The following KIAA1671 variants were observed in gnomAD, a reference collection of about 807,000 sequenced individuals.
KIAA1671 encodes the protein uncharacterized protein KIAA1671.
In KIAA1671, 52 loss-of-function variants were observed where a neutral mutation model predicts 131.2. The ratio of observed to expected loss-of-function variants is 0.40; its 90% CI spans 0.32 to 0.50. KIAA1671 has a LOEUF of 0.50. Ranked by LOEUF, KIAA1671 falls within the 20% of genes least tolerant of loss-of-function variation. The pLI is 0.73. For synonymous variants in KIAA1671, 1,003 were observed against 961.6 expected (o/e 1.04, Z -0.80); for missense variants, 2,360 against 2,364.2 (o/e 1.00, Z 0.04).
intron 8 of KIAA1671, 87 bp from the exon 9 acceptor site, chr22:25,177,261 G>A (rs1342791043): frequency 1.2e-5 from 15 of 1,295,210 alleles, no homozygotes; most frequent in Admixed American, 5.4e-5. Flanking sequence ...ATCTGTCAAC[G>A]AAGCTGTGTA....
intron 1 of KIAA1671, among the ~76,000 whole-genome samples, chr22:24,961,369 T>G (rs188067005): frequency 6.6e-6 from 1 of 152,360 alleles, no homozygotes; most frequent in African/African-American, 2.4e-5. Flanking sequence ...CACGAGTCTT[T>G]CTGGACATAC....
intron 10 of KIAA1671, among the ~76,000 whole-genome samples, chr22:25,183,343 G>A (rs1288250446): frequency 1.3e-5 from 2 of 152,090 alleles, no homozygotes; most frequent in Non-Finnish European, 2.9e-5. Context: ...ATGCGTGCTT[G>A]TGTCTGTAAT....
At chr22:25,142,030 G>A (rs997989588) in intron 6 of KIAA1671, among the ~76,000 whole-genome samples, 7 of 152,154 alleles carry the variant, frequency 4.6e-5, no homozygotes, top group Non-Finnish European at 7.4e-5. Flanking sequence ...TCCCTGGGAA[G>A]CACCTTATAA....
rs1232174682 is a variant in KIAA1671, at chr22:25,038,876, C to T, written c.1746C>T (p.Pro582=). 49 of 1,551,734 alleles carry T rather than the reference C, an allele frequency of 3.2e-5. No homozygotes were observed. The highest frequency in any genetic ancestry group is 2.4e-4 in the Admixed American group (12 of 51,006). ...TEQKVSSNQD[P]DSCRGGSSVE... ...AGAAGGTTAGCTCTAACCAAGACCC[C>T]GACAGCTGTCGCGGTGGAAGCTCAG... Residue 582 remains proline (P), a synonymous_variant, in exon 5 of 13, where the codon CCC becomes CCT. Coordinates refer to ENST00000358431, the MANE Select transcript of KIAA1671 (RefSeq NM_001145206.2).
At chr22:25,071,404 GC>G (rs980517549) in intron 6 of KIAA1671, among the ~76,000 whole-genome samples, 1 of 152,010 alleles carries the variant, frequency 6.6e-6, no homozygotes, top group Non-Finnish European at 1.5e-5. Flanking sequence ...TCCCTCCTGA[GC>G]CCCCCAGAGC....
intron 6 of KIAA1671, among the ~76,000 whole-genome samples, chr22:25,154,397 A>G (rs538677233): frequency 1.3e-5 from 2 of 152,336 alleles, no homozygotes; most frequent in South Asian, 4.1e-4. Context: ...ACAGACAGGA[A>G]CCACTGCAGG....
chr22:24,956,054 A>G (rs992431019), intron 1 of KIAA1671, among the ~76,000 whole-genome samples: 2 of 151,956 alleles, frequency 1.3e-5, no homozygotes, highest in African/African-American at 2.4e-5. Flanking sequence ...AAAAGAAAAA[A>G]GAAAAATCCT....
chr22:25,001,788 G>T (rs1041998566), intron 1 of KIAA1671, among the ~76,000 whole-genome samples: 2 of 152,168 alleles, frequency 1.3e-5, no homozygotes, highest in Non-Finnish European at 2.9e-5. Context: ...TTGGTTTTCA[G>T]ATGATACCTG....
At chr22:25,049,089 A>C in intron 5 of KIAA1671, 141 bp from the exon 6 acceptor site, 1 of 1,045,218 alleles carries the variant, frequency 9.6e-7, no homozygotes, top group Non-Finnish European at 1.4e-6. Flanking sequence ...GTTACCTCTG[A>C]TCATTAAAGT....
intron 6 of KIAA1671, chr22:25,112,642 T>G: frequency 2.7e-6 from 1 of 366,406 alleles, no homozygotes. Flanking sequence ...GTAGCAATAA[T>G]TCCTCTCTCC....
chr22:24,996,041 G>T (rs1203548358), intron 1 of KIAA1671, among the ~76,000 whole-genome samples: 2 of 152,234 alleles, frequency 1.3e-5, no homozygotes, highest in Admixed American at 6.5e-5. Flanking sequence ...TGGCATCTGG[G>T]AGAAGTGAGG....
chr22:25,090,027 CTGCT>C, intron 6 of KIAA1671, among the ~76,000 whole-genome samples: 1 of 152,196 alleles, frequency 6.6e-6, no homozygotes, highest in Non-Finnish European at 1.5e-5. Context: ...TAAACCAGGT[CTGCT>C]GTCTGCCTCC....
chr22:25,141,935 A>G (rs543264744), intron 6 of KIAA1671, among the ~76,000 whole-genome samples: 17 of 152,314 alleles, frequency 1.1e-4, no homozygotes, highest in African/African-American at 3.8e-4. Context: ...ATGTCTGTCC[A>G]TGTCTCAAGT....
intron 6 of KIAA1671, among the ~76,000 whole-genome samples, chr22:25,089,771 T>TCCAGTTGC (rs1929931733): frequency 6.6e-6 from 1 of 152,222 alleles, no homozygotes; most frequent in Non-Finnish European, 1.5e-5. Context: ...GTCGGTCATT[T>TCCAGTTGC]CCAGTTGCGT....
At position 25,135,057 on chromosome 22, in the gene KIAA1671, G is replaced by C. The variant is rs900931372; in HGVS notation, c.4531-35763G>C. ...GCCAAAGGATTGATGTAACATGACA[G>C]TAAGGCATTTGTTTGTGACAGTCCC... On this transcript the variant is annotated intron_variant, in intron 6 of 12. Transcript: ENST00000358431. 1.4e-4 allele frequency among the ~76,000 whole-genome samples: 22 copies of C among 152,172 alleles called. 1 individual carries two copies. Among genetic ancestry groups the C allele is most frequent in the Admixed American group, 1.3e-3 (20 of 15,274 alleles).
chr22:24,991,583 A>G (rs908910528), intron 1 of KIAA1671, among the ~76,000 whole-genome samples: 2 of 148,316 alleles, frequency 1.3e-5, no homozygotes, highest in Non-Finnish European at 3.0e-5. Flanking sequence ...CAGCCTCCCG[A>G]GTAGCTGGGA....
At chr22:25,125,897 A>G (rs1325417043) in intron 6 of KIAA1671, among the ~76,000 whole-genome samples, 1 of 152,206 alleles carries the variant, frequency 6.6e-6, no homozygotes, top group Non-Finnish European at 1.5e-5. Flanking sequence ...ATACCCTTTT[A>G]GGTAATAGAA....
intron 1 of KIAA1671, among the ~76,000 whole-genome samples, chr22:25,020,640 C>T (rs1925614884): frequency 6.6e-6 from 1 of 152,140 alleles, no homozygotes. Flanking sequence ...TGAGATATTG[C>T]AGCACAGAGG....
rs1049917434 is a variant in KIAA1671, at chr22:25,027,963, T to C, written c.-37T>C. ...TGTTTAGCAATTGCTTCTCCATTCTTGAAGTTCCTAACCCCCATGAATCCA... is the reference window on the plus strand; with the variant it reads ...TGTTTAGCAATTGCTTCTCCATTCTCGAAGTTCCTAACCCCCATGAATCCA... On this transcript the variant is annotated 5_prime_UTR_variant, in exon 3 of 13. The change abolishes the stop of an existing upstream ORF in the 5' untranslated region. Coordinates refer to ENST00000358431, the MANE Select transcript of KIAA1671 (RefSeq NM_001145206.2). 63 of 1,410,780 alleles carry C rather than the reference T, an allele frequency of 4.5e-5. No homozygotes were observed. Among genetic ancestry groups the C allele is most frequent in the Admixed American group, 1.4e-4 (5 of 34,494 alleles). 87.4% of individuals were successfully genotyped at this position (1,410,780 alleles called of 1,614,324 possible). A position where few individuals can be genotyped will look rare whatever the true frequency, so the allele number is the denominator to read the frequency against.
Sources: allele counts gnomAD v4.1 joint callset (sites outside exome capture counted in the v4.1 genomes callset), GRCh38; gene constraint gnomAD v4.1.1; transcripts MANE v1.5; gene names NCBI Gene and HGNC (gene_info 2026-07-23, HGNC 2026-07-21).